GRM5: variants seen among roughly 807,000 people sequenced by gnomAD.
GRM5 encodes the protein glutamate metabotropic receptor 5.
A neutral mutation model predicts 83.1 loss-of-function variants in GRM5; 19 were observed. The observed-to-expected ratio is 0.23, with a 90% confidence interval of 0.16 to 0.34. The LOEUF is 0.34. Ranked by LOEUF, GRM5 falls within the 10% of genes least tolerant of loss-of-function variation. The pLI is 1.00. For missense variants in GRM5, 1,160 were observed against 1,588.3 expected (o/e 0.73, Z 4.58); for synonymous variants, 675 against 633.6 (o/e 1.07, Z -0.98).
chr11:88,982,593 A>G (rs1939561984), intron 2 of GRM5, among the ~76,000 whole-genome samples: 1 of 152,178 alleles, frequency 6.6e-6, no homozygotes, highest in South Asian at 2.1e-4. Flanking sequence ...ACACACATAT[A>G]TACATGCACC....
chr11:89,007,308 T>G (rs1940557517), intron 2 of GRM5, among the ~76,000 whole-genome samples: 1 of 152,254 alleles, frequency 6.6e-6, no homozygotes, highest in South Asian at 2.1e-4. Flanking sequence ...TTTCTTGTAC[T>G]ATAACACCAC....
intron 6 of GRM5, among the ~76,000 whole-genome samples, chr11:88,593,488 C>T (rs1937701027): frequency 6.6e-6 from 1 of 151,714 alleles, no homozygotes; most frequent in Non-Finnish European, 1.5e-5. Context: ...CCATCCTGGC[C>T]AACATGGTGA....
intron 6 of GRM5, among the ~76,000 whole-genome samples, chr11:88,593,602 C>T (rs1391819961): frequency 6.7e-6 from 1 of 149,964 alleles, no homozygotes; most frequent in Admixed American, 6.6e-5. Context: ...CACCTGAACC[C>T]GGGAGGCGGA....
intron 1 of GRM5, among the ~76,000 whole-genome samples, chr11:89,065,417 G>C (rs532241701): frequency 2.7e-5 from 4 of 146,854 alleles, no homozygotes; most frequent in African/African-American, 1.0e-4. Flanking sequence ...TTTTTAGTTC[G>C]TTTTCTATGG....
At chr11:88,594,871 G>T (rs2135215316) in intron 6 of GRM5, among the ~76,000 whole-genome samples, 1 of 152,258 alleles carries the variant, frequency 6.6e-6, no homozygotes, top group Admixed American at 6.5e-5. Context: ...GTGTGGTAGT[G>T]CTTCAAGAAC....
At chr11:88,570,571 A>ATATATATATATATATATATTT (rs1405339448) in intron 7 of GRM5, among the ~76,000 whole-genome samples, 1 of 46,378 alleles carries the variant, frequency 2.2e-5, no homozygotes, top group African/African-American at 1.3e-4. Flanking sequence ...ATATATATAT[A>ATATATATATATATATATATTT]TTTTTTTTTT....
intron 2 of GRM5, among the ~76,000 whole-genome samples, chr11:88,854,865 G>T (rs539481229): frequency 3.9e-5 from 6 of 151,960 alleles, no homozygotes; most frequent in Non-Finnish European, 8.8e-5. Context: ...TATATTAAAA[G>T]GCACCAAATC....
chr11:88,800,057 A>G (rs1306284514), intron 3 of GRM5, among the ~76,000 whole-genome samples: 10 of 152,124 alleles, frequency 6.6e-5, no homozygotes, highest in Admixed American at 6.6e-4. Context: ...AAACAGCCCC[A>G]CAGGGAGTTT....
At chr11:88,918,564 G>A (rs1254547652) in intron 2 of GRM5, among the ~76,000 whole-genome samples, 3 of 151,986 alleles carry the variant, frequency 2.0e-5, no homozygotes, top group African/African-American at 7.2e-5. Context: ...GTACAAAACT[G>A]ACTGGAAATA....
At chr11:89,032,131 G>A (rs1017544937) in intron 2 of GRM5, among the ~76,000 whole-genome samples, 1 of 151,920 alleles carries the variant, frequency 6.6e-6, no homozygotes, top group African/African-American at 2.4e-5. Context: ...TGAATGCAAT[G>A]TGCTCAGAAA....
intron 4 of GRM5, among the ~76,000 whole-genome samples, chr11:88,609,788 T>C (rs1301610046): frequency 6.6e-6 from 1 of 152,234 alleles, no homozygotes; most frequent in African/African-American, 2.4e-5. Flanking sequence ...TTGGGGAATT[T>C]AGTCATAAAT....
At chr11:88,767,756 CTG>C (rs1942651271) in intron 3 of GRM5, among the ~76,000 whole-genome samples, 1 of 151,714 alleles carries the variant, frequency 6.6e-6, no homozygotes, top group Non-Finnish European at 1.5e-5. Flanking sequence ...GCAAAATAAT[CTG>C]TGCACCAAAT....
intron 3 of GRM5, among the ~76,000 whole-genome samples, chr11:88,829,508 GATAA>G (rs1156635976): frequency 6.6e-6 from 1 of 151,786 alleles, no homozygotes; most frequent in African/African-American, 2.4e-5. Flanking sequence ...ACAAAAGAAA[GATAA>G]ATAAAACAAT....
rs772242260 is a variant in GRM5, at chr11:88,508,615, T to A, written c.3616A>T (p.Thr1206Ser). The change falls in exon 10 of 10, where the codon ACT becomes TCT. Residue 1206 changes from threonine (T) to serine (S), a missense_variant. Transcript: ENST00000305447. This position sits in a 1 kb window ranked among gnomAD's most constrained non-coding sequence, Gnocchi z 4.2. ...ATTCACAACGACGAGGAGCTCTGAG[T>A]GTAATCTCTTATGATAAGAGTGTCA... ...KYDTLIIRDYTQSSSSL is the reference protein window; with the variant it reads ...KYDTLIIRDYSQSSSSL The A allele has an allele frequency of 1.2e-6, 2 of 1,609,436 alleles. No individual in the cohort carries two copies. The highest frequency in any genetic ancestry group is 1.7e-6 in the Non-Finnish European group (2 of 1,178,054).
chr11:88,664,905 TC>T (rs1591424012), intron 3 of GRM5, among the ~76,000 whole-genome samples: 1 of 152,052 alleles, frequency 6.6e-6, no homozygotes, highest in Admixed American at 6.6e-5. Context: ...TTAGAATCAA[TC>T]CCCCACAGAT....
rs117282133 is a variant in GRM5 at position 89,028,120 on chromosome 11, G to A, written c.661+19092C>T. Among the ~76,000 whole-genome samples, 80 of 152,272 alleles carry A rather than the reference G, an allele frequency of 5.3e-4. No individual in the cohort carries two copies. The East Asian group carries it at 0.015, about 28-fold the overall frequency. On this transcript the variant is annotated intron_variant, in intron 2 of 9. Transcript: ENST00000305447. ...GACCTTCCAGCCAACAGAATTGTGA[G>A]CCAATACATTTCCGTTTATAAATAA...
intron 8 of GRM5, among the ~76,000 whole-genome samples, chr11:88,526,291 A>C (rs1941875936): frequency 6.6e-6 from 1 of 152,170 alleles, no homozygotes; most frequent in Non-Finnish European, 1.5e-5. Context: ...TATCTCAATG[A>C]CAGTTTTTTG....
intron 3 of GRM5, among the ~76,000 whole-genome samples, chr11:88,717,794 A>G (rs1941431630): frequency 6.6e-6 from 1 of 151,834 alleles, no homozygotes; most frequent in Non-Finnish European, 1.5e-5. Context: ...ATTTTTCACT[A>G]AATGGTTGAA....
chr11:88,936,183 A>G (rs535848085), intron 2 of GRM5, among the ~76,000 whole-genome samples: 3 of 151,964 alleles, frequency 2.0e-5, no homozygotes, highest in African/African-American at 7.2e-5. Flanking sequence ...GATCAAGATA[A>G]TTAAATTCCC....
Sources: gnomAD v4.1 joint callset for allele counts (sites outside exome capture counted in the v4.1 genomes callset) on GRCh38, gnomAD v4.1.1 for gene constraint, Gnocchi (gnomAD v3.1) non-coding constraint, MANE v1.5 for transcripts, NCBI Gene and HGNC (gene_info 2026-07-23, HGNC 2026-07-21) for gene names.